The following ARHGAP15 variants were observed in gnomAD, a reference collection of about 807,000 sequenced individuals.
ARHGAP15 encodes rho GTPase-activating protein 15.
ARHGAP15 carries 51 observed loss-of-function variants against 63.7 expected under a neutral mutation model. The ratio of observed to expected loss-of-function variants is 0.80; its 90% CI spans 0.64 to 1.01. The LOEUF is 1.01. Ranked by LOEUF, ARHGAP15 falls within the 50% of genes least tolerant of loss-of-function variation. The pLI is 0.00. For synonymous variants in ARHGAP15, 191 were observed against 193.8 expected, an observed-to-expected ratio of 0.99 and a Z score of 0.12; for missense variants, 560 against 564.6, an observed-to-expected ratio of 0.99 and a Z score of 0.08.
At chr2:143,286,900 G>A (rs555111921) in intron 6 of ARHGAP15, among the ~76,000 whole-genome samples, 2 of 152,158 alleles carry the variant, frequency 1.3e-5, no homozygotes, top group East Asian at 1.9e-4. Flanking sequence ...GAACTTATAC[G>A]GCATGTTACG....
intron 12 of ARHGAP15, among the ~76,000 whole-genome samples, chr2:143,686,319 G>A (rs1301893691): frequency 1.5e-5 from 2 of 133,090 alleles, no homozygotes; most frequent in African/African-American, 2.8e-5. Flanking sequence ...TGGAGGTGGA[G>A]GTTGCAGGGA....
At chr2:143,337,477 T>C (rs946681187) in intron 6 of ARHGAP15, among the ~76,000 whole-genome samples, 1 of 152,186 alleles carries the variant, frequency 6.6e-6, no homozygotes, top group Non-Finnish European at 1.5e-5. Context: ...TTCAGGGATT[T>C]TGCCTACCTA....
intron 6 of ARHGAP15, among the ~76,000 whole-genome samples, chr2:143,285,140 A>G (rs1426928710): frequency 6.6e-6 from 1 of 152,198 alleles, no homozygotes; most frequent in African/African-American, 2.4e-5. Context: ...ATATAAATTT[A>G]TCCAATGGTT....
chr2:143,435,678 CA>C lies in ARHGAP15; in HGVS notation c.557del (p.Asn186MetfsTer31). On this transcript the variant is annotated frameshift_variant, in exon 7 of 14. Transcript: ENST00000295095. LOFTEE classifies it high-confidence loss of function. ...FIILDWFHAIKNAIDRLPKDS... is the reference protein window; with the variant it reads ...FIILDWFHAIXNAIDRLPKDS... ...TCATATTGGATTGGTTCCACGCTAT[CA>C]AAAATGCAATTGACAGATTGGTATG... is the stretch of plus-strand genomic sequence containing the variant. The C allele has an allele frequency of 6.2e-7, 1 of 1,601,030 alleles. No individual in the cohort carries two copies. Among genetic ancestry groups the C allele is most frequent in the Admixed American group, 1.7e-5 (1 of 58,078 alleles).
intron 6 of ARHGAP15, among the ~76,000 whole-genome samples, chr2:143,399,039 T>G (rs1323018443): frequency 6.6e-6 from 1 of 152,056 alleles, no homozygotes; most frequent in African/African-American, 2.4e-5. Context: ...CCAACTGTAG[T>G]GTTTTGAAAT....
chr2:143,283,706 TTA>T (rs1681964733), intron 6 of ARHGAP15, among the ~76,000 whole-genome samples: 3 of 152,146 alleles, frequency 2.0e-5, no homozygotes, highest in Non-Finnish European at 2.9e-5. Context: ...TTCCCCCACA[TTA>T]AAAAACGTCA....
chr2:143,676,300 T>A (rs1408758475), intron 12 of ARHGAP15: 1 of 152,294 alleles, frequency 6.6e-6, no homozygotes, highest in Non-Finnish European at 1.5e-5. Context: ...TGCTTTCTTA[T>A]CATTCATGTG....
At chr2:143,281,531 A>T (rs1681849299) in intron 6 of ARHGAP15, among the ~76,000 whole-genome samples, 3 of 152,174 alleles carry the variant, frequency 2.0e-5, no homozygotes, top group Admixed American at 2.0e-4. Context: ...AGCAACAGCT[A>T]AATACAAGAG....
chr2:143,765,061 A>G (rs1686899844), intron 13 of ARHGAP15, among the ~76,000 whole-genome samples: 1 of 151,484 alleles, frequency 6.6e-6, no homozygotes, highest in Non-Finnish European at 1.5e-5. Context: ...CCTAATAAGT[A>G]CTCAATTGAT....
chr2:143,515,603 A>T (rs909966107), intron 9 of ARHGAP15, among the ~76,000 whole-genome samples: 9 of 152,204 alleles, frequency 5.9e-5, no homozygotes, highest in African/African-American at 2.2e-4. Context: ...AGGGGAAACA[A>T]ATCTTTTGCT....
intron 9 of ARHGAP15, among the ~76,000 whole-genome samples, chr2:143,491,804 C>T (rs1372508714): frequency 7.2e-5 from 11 of 152,126 alleles, no homozygotes; most frequent in Admixed American, 5.9e-4. Context: ...CAGTCTTAGA[C>T]AGTACTTTAG....
At chr2:143,210,910 A>G (rs576091286) in intron 3 of ARHGAP15, among the ~76,000 whole-genome samples, 33 of 151,510 alleles carry the variant, frequency 2.2e-4, no homozygotes, top group Non-Finnish European at 3.9e-4. Flanking sequence ...ATGTGCACAC[A>G]CAGTAAATGA....
chr2:143,470,977 A>C (rs1432317803), intron 8 of ARHGAP15, among the ~76,000 whole-genome samples: 1 of 144,426 alleles, frequency 6.9e-6, no homozygotes, highest in East Asian at 2.1e-4. Flanking sequence ...GTGTACATAC[A>C]CACGTGTATC....
chr2:143,333,835 C>T (rs1684655342), intron 6 of ARHGAP15, among the ~76,000 whole-genome samples: 1 of 152,182 alleles, frequency 6.6e-6, no homozygotes, highest in Admixed American at 6.6e-5. Flanking sequence ...AACATTGCTT[C>T]AGGCTAGAAA....
At chr2:143,695,883 T>G (rs567255290) in intron 12 of ARHGAP15, among the ~76,000 whole-genome samples, 10 of 151,652 alleles carry the variant, frequency 6.6e-5, no homozygotes, top group Admixed American at 1.3e-4. Flanking sequence ...AAAAAGTTAC[T>G]TAAAGACTAA....
chr2:143,364,359 T>C (rs912576654), intron 6 of ARHGAP15, among the ~76,000 whole-genome samples: 3 of 152,184 alleles, frequency 2.0e-5, no homozygotes, highest in Non-Finnish European at 4.4e-5. Context: ...ATTATTTTGT[T>C]CTCTCACAGA....
chr2:143,286,424 T>A (rs185240668), intron 6 of ARHGAP15, among the ~76,000 whole-genome samples: 15 of 152,288 alleles, frequency 9.8e-5, no homozygotes, highest in Non-Finnish European at 8.8e-5. Context: ...CAATTCTAAG[T>A]TTTTTAGTTT....
intron 6 of ARHGAP15, chr2:143,435,361 C>A: frequency 9.0e-7 from 1 of 1,108,250 alleles, no homozygotes; most frequent in Non-Finnish European, 1.1e-6. Context: ...CAGCTCTAGC[C>A]CTACTCTGAC....
intron 8 of ARHGAP15, among the ~76,000 whole-genome samples, chr2:143,465,706 AAT>A (rs1558990058): frequency 5.3e-5 from 8 of 151,926 alleles, no homozygotes; most frequent in African/African-American, 1.9e-4. Flanking sequence ...AAGCAAGAAA[AAT>A]AAGTTTTTTT....
Sources: gnomAD v4.1 joint callset for allele counts (sites outside exome capture counted in the v4.1 genomes callset) on GRCh38, gnomAD v4.1.1 for gene constraint, MANE v1.5 for transcripts, NCBI Gene and HGNC (gene_info 2026-07-23, HGNC 2026-07-21) for gene names.